Variants in SVIL observed in about 807,000 individuals in gnomAD.
SVIL encodes supervillin, also known as archvillin.
A neutral mutation model predicts 240.4 loss-of-function variants in SVIL; 101 were observed. The observed-to-expected ratio is 0.42, with a 90% CI of 0.36 to 0.50. The LOEUF is 0.50. Among genes scored for constraint, SVIL ranks in the 20% least tolerant of loss-of-function variants. The pLI is 0.01. For synonymous variants in SVIL, 999 were observed against 1,100.0 expected (o/e 0.91, Z 1.82); for missense variants, 2,512 against 2,818.7 (o/e 0.89, Z 2.46).
intron 30 of SVIL, among the ~76,000 whole-genome samples, chr10:29,472,951 C>T (rs1354679002): frequency 6.6e-6 from 1 of 151,970 alleles, no homozygotes; most frequent in Admixed American, 6.6e-5. Context: ...GGCAGTGGTG[C>T]GGGTAACATT....
At chr10:29,588,943 A>C (rs1331350401) in intron 1 of SVIL, among the ~76,000 whole-genome samples, 3 of 151,502 alleles carry the variant, frequency 2.0e-5, no homozygotes, top group Admixed American at 2.0e-4. Flanking sequence ...TCCTTAAAAT[A>C]CTGAAGTCCT....
At chr10:29,597,174 A>C (rs898312971) in intron 1 of SVIL, among the ~76,000 whole-genome samples, 4 of 152,206 alleles carry the variant, frequency 2.6e-5, no homozygotes, top group African/African-American at 9.7e-5. Context: ...CATACGCGTT[A>C]AGAGACAAAA....
chr10:29,540,160 T>C (rs1952040088), intron 6 of SVIL, among the ~76,000 whole-genome samples: 1 of 152,146 alleles, frequency 6.6e-6, no homozygotes. Flanking sequence ...ATTCCTCTTG[T>C]TCAAACCCTC....
At chr10:29,636,256 C>T (rs1044346506), upstream of SVIL, among the ~76,000 whole-genome samples, 9 of 152,038 alleles carry the variant, frequency 5.9e-5, no homozygotes, top group African/African-American at 1.9e-4. Flanking sequence ...TCTTGTTTTA[C>T]GTATTTTTAT....
At chr10:29,694,624 T>C (rs1258357776) in intron 1 of SVIL, among the ~76,000 whole-genome samples, 1 of 152,144 alleles carries the variant, frequency 6.6e-6, no homozygotes, top group Non-Finnish European at 1.5e-5. Flanking sequence ...CATATCCAGC[T>C]AATTTTTGTA....
chr10:29,688,355 G>A (rs1461823481), intron 1 of SVIL, among the ~76,000 whole-genome samples: 1 of 152,198 alleles, frequency 6.6e-6, no homozygotes, highest in African/African-American at 2.4e-5. Context: ...CCTCCCAGGT[G>A]ATCAGATGCT....
At chr10:29,483,198 C>T (rs1401239278) in intron 27 of SVIL, 2 of 152,186 alleles carry the variant, frequency 1.3e-5, no homozygotes, top group Non-Finnish European at 2.9e-5. Flanking sequence ...TGAAAGGGCT[C>T]TTGGTTTCTG....
rs752940014 is a variant in SVIL at position 29,473,886 on chromosome 10, G to A, written c.5481C>T (p.Gly1827=). The A allele has an allele frequency of 1.2e-6, 2 of 1,614,018 alleles. No homozygotes were observed. Among genetic ancestry groups the A allele is most frequent in the Non-Finnish European group, 1.7e-6 (2 of 1,180,010 alleles). The part of the protein sequence containing the change: ...QGRHSTVSEK[G]TSALMTVELD... ...GCTCCACCGTCATCAGCGCCGACGT[G>A]CCCTTCTCACTCACGGTGGAGTGCC... is the stretch of plus-strand genomic sequence containing the variant. The change falls in exon 30 of 38, where the codon GGC becomes GGT. Residue 1827 remains glycine, a synonymous_variant. Transcript: ENST00000355867.
Position 29,493,408 on chromosome 10 carries a change from A to G in SVIL, c.3842-17T>C, listed in dbSNP as rs202105935. 1,746 of 1,613,492 alleles carry G rather than the reference A, an allele frequency of 1.1e-3. 14 individuals are homozygous for G. The highest frequency in any genetic ancestry group is 4.6e-3 in the Middle Eastern group (28 of 6,062). On this transcript the variant is annotated splice_polypyrimidine_tract_variant and intron_variant, in intron 20 of 37. Transcript: ENST00000355867. ...TCCCGCCAACTATCAACAAACAAGC[A>G]AAAGACATAAGAGTTTTATAAAAAC...
intron 1 of SVIL, among the ~76,000 whole-genome samples, chr10:29,582,609 G>A (rs1389587283): frequency 6.6e-6 from 1 of 152,042 alleles, no homozygotes; most frequent in African/African-American, 2.4e-5. Context: ...GAATGATGGT[G>A]TAGTTCCAGC....
chr10:29,568,771 A>ATGGATGGG (rs986601333), intron 2 of SVIL, among the ~76,000 whole-genome samples: 1 of 147,336 alleles, frequency 6.8e-6, no homozygotes, highest in Non-Finnish European at 1.5e-5. Flanking sequence ...AATAACTCAC[A>ATGGATGGG]TGGATGGGTG....
upstream of SVIL, among the ~76,000 whole-genome samples, chr10:29,637,731 A>C (rs1189734453): frequency 1.3e-5 from 2 of 152,216 alleles, no homozygotes; most frequent in Non-Finnish European, 2.9e-5. Context: ...GCTTCTACCC[A>C]ATCCTCATTG....
chr10:29,636,534 G>T (rs967010151), upstream of SVIL, among the ~76,000 whole-genome samples: 1 of 152,060 alleles, frequency 6.6e-6, no homozygotes, highest in Non-Finnish European at 1.5e-5. Context: ...AGTCTAATAG[G>T]GTAAATCTCC....
intron 2 of SVIL, among the ~76,000 whole-genome samples, chr10:29,565,965 A>G (rs1243250027): frequency 6.6e-6 from 1 of 152,216 alleles, no homozygotes; most frequent in Non-Finnish European, 1.5e-5. Flanking sequence ...AATGATTACT[A>G]CAAAACACTT....
At chr10:29,488,222 C>G (rs1947608889) in intron 23 of SVIL, among the ~76,000 whole-genome samples, 1 of 151,492 alleles carries the variant, frequency 6.6e-6, no homozygotes, top group Non-Finnish European at 1.5e-5. Flanking sequence ...GAGCAGAGAG[C>G]CCCTCTGATG....
intron 6 of SVIL, among the ~76,000 whole-genome samples, chr10:29,543,564 C>T (rs919513014): frequency 3.3e-5 from 5 of 152,078 alleles, no homozygotes; most frequent in African/African-American, 7.2e-5. Context: ...AAATTCAAGA[C>T]TTCATTAAAT....
At chr10:29,694,147 T>C (rs925539868) in intron 1 of SVIL, among the ~76,000 whole-genome samples, 1 of 147,490 alleles carries the variant, frequency 6.8e-6, no homozygotes, top group Non-Finnish European at 1.5e-5. Context: ...GGCAGGGTAG[T>C]GCTTTGGGAA....
intron 23 of SVIL, among the ~76,000 whole-genome samples, chr10:29,488,258 T>C (rs1349253228): frequency 2.6e-5 from 4 of 152,106 alleles, no homozygotes; most frequent in East Asian, 1.9e-4. Flanking sequence ...GGTAACTGCA[T>C]GGATGTGTGA....
intron 1 of SVIL, among the ~76,000 whole-genome samples, chr10:29,586,056 A>C (rs1425820245): frequency 6.6e-6 from 1 of 152,028 alleles, no homozygotes; most frequent in East Asian, 1.9e-4. Flanking sequence ...ACTTTCAGCT[A>C]CTGCAGCAAG....
Sources: allele counts gnomAD v4.1 joint callset (sites outside exome capture counted in the v4.1 genomes callset), GRCh38; gene constraint gnomAD v4.1.1; transcripts MANE v1.5; gene names NCBI Gene and HGNC (gene_info 2026-07-23, HGNC 2026-07-21).